The following GULP1 variants were observed in gnomAD, a reference collection of about 807,000 sequenced individuals.
GULP1 encodes PTB domain-containing engulfment adapter protein 1.
GULP1 carries 19 observed loss-of-function variants against 40.9 expected under a neutral mutation model. The ratio of observed to expected loss-of-function variants is 0.46; its 90% CI spans 0.32 to 0.68. The LOEUF is 0.68. GULP1 is among the 30% of genes least tolerant of loss of function. GULP1 has a pLI of 0.03. For synonymous variants in GULP1, 119 were observed against 117.6 expected, an observed-to-expected ratio of 1.01 and a Z score of -0.08; for missense variants, 312 against 362.2, an observed-to-expected ratio of 0.86 and a Z score of 1.12.
intron 1 of GULP1, among the ~76,000 whole-genome samples, chr2:188,301,266 C>T (rs13021294): frequency 0.15 from 23,106 of 152,166 alleles, 1,899 homozygotes; most frequent in African/African-American, 0.17. Flanking sequence ...TTAAACAATT[C>T]TCTGGCTTTG....
At chr2:188,560,810 G>A (rs1031556048) in intron 7 of GULP1, among the ~76,000 whole-genome samples, 3 of 152,164 alleles carry the variant, frequency 2.0e-5, no homozygotes, top group South Asian at 2.1e-4. Flanking sequence ...GGAGGGTAAT[G>A]AGGAGGTGCT....
chr2:188,438,962 T>C (rs2057682792), intron 2 of GULP1, among the ~76,000 whole-genome samples: 3 of 152,136 alleles, frequency 2.0e-5, no homozygotes, highest in African/African-American at 7.2e-5. Flanking sequence ...TTTAAAAGTT[T>C]TGGAACCAAT....
At chr2:188,552,901 ATCTC>A (rs371612778) in intron 7 of GULP1, among the ~76,000 whole-genome samples, 8 of 149,948 alleles carry the variant, frequency 5.3e-5, no homozygotes, top group Non-Finnish European at 7.4e-5. Flanking sequence ...ATATGTGTTT[ATCTC>A]TCTCTATATA....
chr2:188,520,787 G>T (rs564751335), intron 4 of GULP1, among the ~76,000 whole-genome samples: 1 of 152,078 alleles, frequency 6.6e-6, no homozygotes, highest in East Asian at 1.9e-4. Context: ...AATATAATTC[G>T]CTTGCCCTAC....
intron 2 of GULP1, among the ~76,000 whole-genome samples, chr2:188,397,731 A>G (rs1356821546): frequency 2.6e-5 from 4 of 152,328 alleles, no homozygotes; most frequent in South Asian, 4.1e-4. Flanking sequence ...TGTCGGCTAC[A>G]ACTGCAGTCA....
chr2:188,505,169 G>A (rs534023522), intron 4 of GULP1, among the ~76,000 whole-genome samples: 1 of 151,684 alleles, frequency 6.6e-6, no homozygotes, highest in African/African-American at 2.4e-5. Context: ...GAACCTTATT[G>A]CTGCTTCTTA....
chr2:188,301,742 G>A (rs13022513), intron 1 of GULP1, among the ~76,000 whole-genome samples: 85,175 of 152,044 alleles, frequency 0.56, 24,368 homozygotes, highest in East Asian at 0.9. Flanking sequence ...CACTTAGCAA[G>A]GGAACATTGG....
chr2:188,517,704 T>C (rs948155752), intron 4 of GULP1, among the ~76,000 whole-genome samples: 1 of 152,154 alleles, frequency 6.6e-6, no homozygotes, highest in Non-Finnish European at 1.5e-5. Context: ...CAGCATAGGT[T>C]GTCTTGTTTT....
chr2:188,544,182 A>T lies in GULP1; in HGVS notation c.399+2864A>T, dbSNP rs1691287018. On this transcript the variant is annotated intron_variant, in intron 7 of 11. Coordinates refer to ENST00000409830, the MANE Select transcript of GULP1 (RefSeq NM_016315.4). ...TTTAAATAATTTCCAGTATTTCATA[A>T]AATGAAAATCACTCTTCATACCAAG... is the stretch of plus-strand genomic sequence containing the variant. 1.3e-5 allele frequency among the ~76,000 whole-genome samples: 2 copies of T among 152,138 alleles called. 1 individual carries two copies. Among genetic ancestry groups the T allele is most frequent in the South Asian group, 4.1e-4 (2 of 4,832 alleles).
chr2:188,400,609 T>C (rs1220847056), intron 2 of GULP1, among the ~76,000 whole-genome samples: 1 of 152,124 alleles, frequency 6.6e-6, no homozygotes, highest in Admixed American at 6.6e-5. Flanking sequence ...CTAATCAGAT[T>C]TGTGTTTTAC....
intron 4 of GULP1, among the ~76,000 whole-genome samples, chr2:188,494,700 A>G (rs1277779267): frequency 1.3e-5 from 2 of 152,142 alleles, no homozygotes; most frequent in Non-Finnish European, 2.9e-5. Context: ...GAATATCTTT[A>G]AGTAGCATCA....
At chr2:188,473,755 T>A (rs1456824470) in intron 2 of GULP1, among the ~76,000 whole-genome samples, 1 of 151,530 alleles carries the variant, frequency 6.6e-6, no homozygotes, top group Non-Finnish European at 1.5e-5. Flanking sequence ...AAGAGACGAG[T>A]TGGTTCTCTA....
At position 188,577,359 on chromosome 2, in the gene GULP1, T is replaced by G. The variant is rs181660414; in HGVS notation, c.610-6906T>G. On this transcript the variant is annotated intron_variant, in intron 9 of 11. Coordinates refer to ENST00000409830, the MANE Select transcript of GULP1 (RefSeq NM_016315.4). Reference sequence around the variant, plus strand: ...TTTTCTGCTACTATTGAAGTGAGAATGGGCAAGAGCAGATTGTGAAAGGTC... The same window carrying G: ...TTTTCTGCTACTATTGAAGTGAGAAGGGGCAAGAGCAGATTGTGAAAGGTC... Among the ~76,000 whole-genome samples the G allele has an allele frequency of 9.9e-5, 15 of 152,204 alleles. No individual in the cohort carries two copies. In the East Asian group the frequency reaches 2.1e-3, roughly 22 times the overall value.
chr2:188,493,295 G>A (rs1354654384), intron 4 of GULP1, among the ~76,000 whole-genome samples: 2 of 28,886 alleles, frequency 6.9e-5, no homozygotes, highest in Admixed American at 4.6e-4. Flanking sequence ...TTATTCTCCT[G>A]TAGAAAAAAA....
chr2:188,440,724 T>A (rs922200862), intron 2 of GULP1, among the ~76,000 whole-genome samples: 2 of 152,148 alleles, frequency 1.3e-5, no homozygotes, highest in African/African-American at 4.8e-5. Flanking sequence ...AAATAGAGGG[T>A]ACCTAAAACA....
At chr2:188,544,025 G>T (rs758667920) in intron 7 of GULP1, among the ~76,000 whole-genome samples, 1 of 152,020 alleles carries the variant, frequency 6.6e-6, no homozygotes, top group Non-Finnish European at 1.5e-5. Context: ...TTAGAATGCT[G>T]AATGACAACA....
chr2:188,595,016 T>C lies in GULP1; in HGVS notation c.*1005T>C, dbSNP rs1704231956. On this transcript the variant is annotated 3_prime_UTR_variant, in exon 12 of 12. Coordinates refer to ENST00000409830, the MANE Select transcript of GULP1 (RefSeq NM_016315.4). ...ACATGAATTATCAATATTTGGTAAA[T>C]TCAATCTGTATTTGTTTTGTTAAAG... 1 of 150,242 alleles carries C rather than the reference T, an allele frequency of 6.7e-6. No homozygotes were observed. Among genetic ancestry groups the C allele is most frequent in the Non-Finnish European group, 1.5e-5 (1 of 67,426 alleles). The allele number at this position is 150,242 out of a possible 1,614,324, so 9.3% of individuals were successfully genotyped here.
chr2:188,579,224 G>C (rs991490333), intron 9 of GULP1, among the ~76,000 whole-genome samples: 1 of 152,130 alleles, frequency 6.6e-6, no homozygotes, highest in South Asian at 2.1e-4. Context: ...TATGGTAGGA[G>C]TGATAAATTT....
intron 7 of GULP1, among the ~76,000 whole-genome samples, chr2:188,560,566 A>G (rs547738513): frequency 2.0e-4 from 31 of 152,192 alleles, no homozygotes; most frequent in Non-Finnish European, 4.1e-4. Flanking sequence ...TTTTATAGCA[A>G]TGCCCCAGTC....
Sources: gnomAD v4.1 joint callset for allele counts (sites outside exome capture counted in the v4.1 genomes callset) on GRCh38, gnomAD v4.1.1 for gene constraint, MANE v1.5 for transcripts, NCBI Gene and HGNC (gene_info 2026-07-23, HGNC 2026-07-21) for gene names.